TMEM132C: variants seen among roughly 807,000 people sequenced by gnomAD.
The protein encoded by TMEM132C is transmembrane protein 132C.
In TMEM132C, 29 loss-of-function variants were observed where a neutral mutation model predicts 61.4. The observed-to-expected ratio is 0.47, with a 90% CI of 0.35 to 0.64. The LOEUF (loss-of-function observed/expected upper bound fraction) is 0.64, where lower values mean the gene tolerates loss of function less well. Among genes scored for constraint, TMEM132C ranks in the 30% least tolerant of loss-of-function variants. The pLI, the probability that TMEM132C is intolerant of heterozygous loss-of-function variation, is 0.00. For missense variants in TMEM132C, 1,408 were observed against 1,476.9 expected (o/e 0.95, Z 0.76); for synonymous variants, 656 against 633.1 (o/e 1.04, Z -0.54).
At chr12:128,396,354 G>C (rs931529107) in intron 1 of TMEM132C, among the ~76,000 whole-genome samples, 1 of 148,550 alleles carries the variant, frequency 6.7e-6, no homozygotes, top group Non-Finnish European at 1.5e-5. Context: ...ATGGTCACAG[G>C]GAGGGGAACA....
intron 5 of TMEM132C, among the ~76,000 whole-genome samples, chr12:128,681,412 A>T (rs1954633402): frequency 6.6e-6 from 1 of 152,164 alleles, no homozygotes; most frequent in African/African-American, 2.4e-5. Context: ...ATCTGAGAGG[A>T]TGATTTTGGT....
At chr12:128,428,903 A>G (rs1869288083) in intron 2 of TMEM132C, among the ~76,000 whole-genome samples, 1 of 152,230 alleles carries the variant, frequency 6.6e-6, no homozygotes, top group Admixed American at 6.5e-5. Flanking sequence ...ACATATTTGC[A>G]CATATTAAGC....
chr12:128,622,983 T>C (rs1169154075), intron 4 of TMEM132C, among the ~76,000 whole-genome samples: 3 of 152,156 alleles, frequency 2.0e-5, no homozygotes, highest in Non-Finnish European at 4.4e-5. Flanking sequence ...AGTATTTTCT[T>C]GTCACAGCTG....
At chr12:128,622,958 T>C (rs918040279) in intron 4 of TMEM132C, among the ~76,000 whole-genome samples, 1 of 152,148 alleles carries the variant, frequency 6.6e-6, no homozygotes, top group African/African-American at 2.4e-5. Context: ...GAAAAATAAC[T>C]ATATGGACAG....
intron 2 of TMEM132C, among the ~76,000 whole-genome samples, chr12:128,429,085 A>T (rs1465426890): frequency 1.3e-5 from 2 of 152,140 alleles, no homozygotes; most frequent in East Asian, 3.8e-4. Context: ...CTTCTTTGGG[A>T]GGAGGGATGC....
rs558857387 is a variant in TMEM132C at position 128,397,315 on chromosome 12, C to T, written c.86-17417C>T. 2.0e-5 allele frequency among the ~76,000 whole-genome samples: 3 copies of T among 152,262 alleles called. No homozygotes were observed. The South Asian group carries it at 6.2e-4, about 32-fold the overall frequency. ...GAGAAAGGTCTGGTTAGGGCTTCGCCGTGTGTCTTCTAACATGGTCCATTC... is the reference window on the plus strand; with the variant it reads ...GAGAAAGGTCTGGTTAGGGCTTCGCTGTGTGTCTTCTAACATGGTCCATTC... On this transcript the variant is annotated intron_variant, in intron 1 of 8. Transcript: ENST00000435159.
Position 128,400,673 on chromosome 12 carries a change from A to C in TMEM132C, c.86-14059A>C, listed in dbSNP as rs574270672. On this transcript the variant is annotated intron_variant, in intron 1 of 8. Coordinates refer to ENST00000435159, the MANE Select transcript of TMEM132C (RefSeq NM_001136103.3). ...GCCCAGGCTGGAGTGCACTGGCACAATCTCGGCTCATTGCACCCTCTGCTT... is the reference window on the plus strand; with the variant it reads ...GCCCAGGCTGGAGTGCACTGGCACACTCTCGGCTCATTGCACCCTCTGCTT... Among the ~76,000 whole-genome samples the C allele has an allele frequency of 1.5e-4, 23 of 150,764 alleles. No individual in the cohort carries two copies. In the East Asian group the frequency reaches 4.3e-3, roughly 28 times the overall value.
At chr12:128,424,069 A>AAAAAG (rs1267892355) in intron 2 of TMEM132C, among the ~76,000 whole-genome samples, 1 of 149,162 alleles carries the variant, frequency 6.7e-6, no homozygotes, top group African/African-American at 2.5e-5. Context: ...AAAAAAAAAA[A>AAAAAG]ACTTTGGGAG....
rs147202305 is a variant in TMEM132C, at chr12:128,471,244, T to C, written c.974+55624T>C. On this transcript the variant is annotated intron_variant, in intron 2 of 8. Transcript: ENST00000435159. Reference sequence around the variant, plus strand: ...GTGCCATATTCCCCTCCAGGTGGAGTTGGGGGAAAATCGCCCTCAGTGGAC... The same window carrying C: ...GTGCCATATTCCCCTCCAGGTGGAGCTGGGGGAAAATCGCCCTCAGTGGAC... Among the ~76,000 whole-genome samples, 68 of 152,230 alleles carry C rather than the reference T, an allele frequency of 4.5e-4. 1 individual carries two copies. The East Asian group carries it at 9.3e-3, about 21-fold the overall frequency.
intron 2 of TMEM132C, among the ~76,000 whole-genome samples, chr12:128,496,393 G>A (rs1472176948): frequency 6.6e-6 from 1 of 152,056 alleles, no homozygotes; most frequent in Non-Finnish European, 1.5e-5. Context: ...TTACTAGATT[G>A]GGGAAGTTCT....
chr12:128,579,822 G>GA (rs1875261025), intron 3 of TMEM132C, among the ~76,000 whole-genome samples: 1 of 152,224 alleles, frequency 6.6e-6, no homozygotes, highest in Non-Finnish European at 1.5e-5. Context: ...GATGAGCCAG[G>GA]ATAAATGTCT....
At chr12:128,536,504 G>C (rs979357178) in intron 2 of TMEM132C, among the ~76,000 whole-genome samples, 1 of 149,986 alleles carries the variant, frequency 6.7e-6, no homozygotes, top group African/African-American at 2.5e-5. Flanking sequence ...ACTTGTGCAC[G>C]TGTACCCTAG....
intron 1 of TMEM132C, among the ~76,000 whole-genome samples, chr12:128,347,147 G>T (rs1209847684): frequency 2.0e-5 from 3 of 152,076 alleles, no homozygotes; most frequent in Non-Finnish European, 4.4e-5. Flanking sequence ...TCATAGCTTA[G>T]TTCTCACTTA....
At chr12:128,631,217 G>C (rs1229084883) in intron 4 of TMEM132C, among the ~76,000 whole-genome samples, 1 of 152,074 alleles carries the variant, frequency 6.6e-6, no homozygotes, top group Non-Finnish European at 1.5e-5. Context: ...AGCTACATGC[G>C]GTCATTGAAC....
chr12:128,615,002 C>T (rs1876752259), intron 3 of TMEM132C, among the ~76,000 whole-genome samples: 1 of 152,186 alleles, frequency 6.6e-6, no homozygotes, highest in African/African-American at 2.4e-5. Context: ...AGAACCAGGG[C>T]CACTGTGCTC....
rs918270803 is a variant in TMEM132C at position 128,448,718 on chromosome 12, C to T, written c.974+33098C>T. On this transcript the variant is annotated intron_variant, in intron 2 of 8. Coordinates refer to ENST00000435159, the MANE Select transcript of TMEM132C (RefSeq NM_001136103.3). ...AAGGGACTTTTGGATACAGGGAAGG[C>T]AAAATACGCCCTCTTTTATAATCTA... is the stretch of plus-strand genomic sequence containing the variant. 4.9e-4 allele frequency among the ~76,000 whole-genome samples: 74 copies of T among 152,270 alleles called. 1 individual carries two copies. Among genetic ancestry groups the T allele is most frequent in the Admixed American group, 4.8e-3 (73 of 15,302 alleles).
chr12:128,372,458 G>A (rs535975193), intron 1 of TMEM132C, among the ~76,000 whole-genome samples: 31 of 152,130 alleles, frequency 2.0e-4, no homozygotes, highest in Non-Finnish European at 4.1e-4. Flanking sequence ...TGAAATAAAC[G>A]TAAGAGAGAG....
At chr12:128,413,515 C>A (rs1868644066) in intron 1 of TMEM132C, among the ~76,000 whole-genome samples, 1 of 151,818 alleles carries the variant, frequency 6.6e-6, no homozygotes, top group African/African-American at 2.4e-5. Flanking sequence ...TGCCTGTCGA[C>A]TTCCCAACAT....
At chr12:128,355,421 A>G (rs1292686322) in intron 1 of TMEM132C, among the ~76,000 whole-genome samples, 2 of 152,122 alleles carry the variant, frequency 1.3e-5, no homozygotes, top group African/African-American at 2.4e-5. Context: ...CATGGGCCTC[A>G]GGAGAATCAT....
Sources: allele counts gnomAD v4.1 joint callset (sites outside exome capture counted in the v4.1 genomes callset), GRCh38; gene constraint gnomAD v4.1.1; transcripts MANE v1.5; gene names NCBI Gene and HGNC (gene_info 2026-07-23, HGNC 2026-07-21).